Variants in TRDN observed in about 807,000 individuals in gnomAD.
TRDN encodes triadin.
TRDN carries 161 observed loss-of-function variants against 149.7 expected under a neutral mutation model. That is an observed-to-expected ratio of 1.08 (90% CI 0.95 to 1.23). The LOEUF (loss-of-function observed/expected upper bound fraction) is 1.23. Among genes scored for constraint, TRDN ranks in the 50% most tolerant of loss-of-function variants. The pLI is 0.00. For missense variants in TRDN, 896 were observed against 823.5 expected (o/e 1.09, Z -1.08); for synonymous variants, 294 against 250.5 (o/e 1.17, Z -1.64).
chr6:123,274,844 G>A (rs73551210), intron 26 of TRDN, among the ~76,000 whole-genome samples, 174 bp from the exon 27 acceptor site: 2,619 of 152,158 alleles, frequency 0.017, 68 homozygotes, highest in South Asian at 0.076. Flanking sequence ...CTGCACTCCA[G>A]CTTAGGTGAC....
intron 14 of TRDN, among the ~76,000 whole-genome samples, chr6:123,388,138 A>C (rs1342524354): frequency 6.6e-6 from 1 of 152,154 alleles, no homozygotes; most frequent in African/African-American, 2.4e-5. Flanking sequence ...AAAAAGCTTA[A>C]AGCTGTGAAA....
chr6:123,534,574 A>G (rs897296663), intron 4 of TRDN, among the ~76,000 whole-genome samples: 2 of 152,150 alleles, frequency 1.3e-5, no homozygotes, highest in Non-Finnish European at 1.5e-5. Flanking sequence ...TATTTTTCTC[A>G]TAGGGAGGCA....
At chr6:123,425,735 T>C (rs1182976068) in intron 12 of TRDN, among the ~76,000 whole-genome samples, 1 of 152,092 alleles carries the variant, frequency 6.6e-6, no homozygotes, top group African/African-American at 2.4e-5. Flanking sequence ...AAAGCCTAAG[T>C]ACAGCGGGGA....
chr6:123,463,072 T>A, intron 10 of TRDN: 1 of 152,196 alleles, frequency 6.6e-6, no homozygotes, highest in Non-Finnish European at 1.5e-5. Context: ...TAACAGGAGC[T>A]CATGCCTGTA....
At chr6:123,406,106 A>C (rs1421065493) in intron 12 of TRDN, among the ~76,000 whole-genome samples, 1 of 152,218 alleles carries the variant, frequency 6.6e-6, no homozygotes, top group Non-Finnish European at 1.5e-5. Context: ...AAATGCACAG[A>C]TTAAAATTTT....
intron 9 of TRDN, among the ~76,000 whole-genome samples, chr6:123,479,028 T>C (rs1485593177): frequency 3.3e-5 from 5 of 152,150 alleles, no homozygotes; most frequent in Admixed American, 3.3e-4. Flanking sequence ...GGAAAGAGCA[T>C]TATTAAAAGT....
chr6:123,506,329 A>G (rs1380411568), intron 7 of TRDN, among the ~76,000 whole-genome samples: 2 of 152,140 alleles, frequency 1.3e-5, no homozygotes, highest in Non-Finnish European at 2.9e-5. Flanking sequence ...CCCATGTTAC[A>G]GCACTTTTCC....
At chr6:123,569,008 C>G (rs1302411281) in intron 2 of TRDN, among the ~76,000 whole-genome samples, 3 of 152,206 alleles carry the variant, frequency 2.0e-5, no homozygotes, top group African/African-American at 7.2e-5. Context: ...TACTCTGCAT[C>G]CCCTTTAAAG....
intron 1 of TRDN, among the ~76,000 whole-genome samples, chr6:123,625,855 G>A (rs1002119889): frequency 2.6e-5 from 4 of 152,170 alleles, no homozygotes; most frequent in Admixed American, 6.5e-5. Context: ...ATTTATGGCT[G>A]CTGACTGATC....
intron 16 of TRDN, among the ~76,000 whole-genome samples, chr6:123,380,573 C>T (rs1387799210): frequency 6.6e-6 from 1 of 152,036 alleles, no homozygotes; most frequent in East Asian, 1.9e-4. Context: ...GTCTCAGCAT[C>T]CTTGCTTTTT....
chr6:123,608,602 C>T (rs1784633587), intron 1 of TRDN, among the ~76,000 whole-genome samples: 1 of 152,100 alleles, frequency 6.6e-6, no homozygotes, highest in Non-Finnish European at 1.5e-5. Flanking sequence ...TGGTAAACCT[C>T]AATCTCATTA....
At chr6:123,357,752 C>T (rs1339118920) in intron 20 of TRDN, among the ~76,000 whole-genome samples, 1 of 151,758 alleles carries the variant, frequency 6.6e-6, no homozygotes, top group Non-Finnish European at 1.5e-5. Flanking sequence ...TAATTGAATC[C>T]CCTGAAGGGT....
chr6:123,403,891 T>C (rs1360968922), intron 12 of TRDN, among the ~76,000 whole-genome samples: 1 of 152,080 alleles, frequency 6.6e-6, no homozygotes, highest in Non-Finnish European at 1.5e-5. Context: ...AGATAAAAGA[T>C]AGCAGTTGAA....
At chr6:123,350,305 T>C (rs1780410835) in intron 21 of TRDN, 2 of 951,224 alleles carry the variant, frequency 2.1e-6, no homozygotes, top group Non-Finnish European at 2.5e-6. Flanking sequence ...ATCCATAGTA[T>C]TTAAGTCCAG....
At chr6:123,357,055 T>A (rs1299218214) in intron 20 of TRDN, among the ~76,000 whole-genome samples, 2 of 151,930 alleles carry the variant, frequency 1.3e-5, no homozygotes, top group African/African-American at 4.8e-5. Context: ...ACTTCTTAGC[T>A]ATCTTTTATT....
At chr6:123,432,791 TTGAAACATCTATTTC>T (rs1430784391) in intron 12 of TRDN, among the ~76,000 whole-genome samples, 1 of 152,148 alleles carries the variant, frequency 6.6e-6, no homozygotes, top group Non-Finnish European at 1.5e-5. Flanking sequence ...CTTTTGCTTC[TTGAAACATCTATTTC>T]TGAAACATCT....
chr6:123,352,078 A>G (rs898116294), intron 21 of TRDN: 1 of 977,878 alleles, frequency 1.0e-6, no homozygotes, highest in African/African-American at 1.8e-5. Flanking sequence ...ATATCATAAT[A>G]TACTCTATTT....
intron 8 of TRDN, among the ~76,000 whole-genome samples, chr6:123,499,719 A>AAAAAAAAAAAAAAAATATATAT: frequency 1.9e-4 from 9 of 47,684 alleles, no homozygotes; most frequent in South Asian, 6.4e-4. Context: ...AAAAAAAAAA[A>AAAAAAAAAAAAAAAATATATAT]ATATATATAT....
At position 123,271,260 on chromosome 6, in the gene TRDN, G is replaced by T. The variant is rs1322290634; in HGVS notation, c.1673-74C>A. 8 of 1,099,464 alleles carry T rather than the reference G, an allele frequency of 7.3e-6. No individual in the cohort carries two copies. The East Asian group carries it at 2.2e-4, about 30-fold the overall frequency. The allele number at this position is 1,099,464 out of a possible 1,614,324, so 68.1% of individuals were successfully genotyped here. ...GTGACATATTTCAACCATGATTTTT[G>T]TATTCTTTTGAAATAGTGCCAATGC... is the stretch of plus-strand genomic sequence containing the variant. On this transcript the variant is annotated intron_variant, in intron 29 of 40. Coordinates refer to ENST00000334268, the MANE Select transcript of TRDN (RefSeq NM_006073.4).
Sources: allele counts gnomAD v4.1 joint callset (sites outside exome capture counted in the v4.1 genomes callset), GRCh38; gene constraint gnomAD v4.1.1; transcripts MANE v1.5; gene names NCBI Gene and HGNC (gene_info 2026-07-23, HGNC 2026-07-21).